Variants in ABCB9 observed in about 807,000 individuals in gnomAD.
ABCB9 encodes the protein ATP binding cassette subfamily B member 9, also known as ABC-type oligopeptide transporter ABCB9.
A neutral mutation model predicts 62.0 loss-of-function variants in ABCB9; 36 were observed. That is an observed-to-expected ratio of 0.58 (90% CI 0.45 to 0.77). The LOEUF (loss-of-function observed/expected upper bound fraction) is 0.77. ABCB9 is among the 30% of genes least tolerant of loss of function. ABCB9 has a pLI of 0.00. For synonymous variants in ABCB9, 435 were observed against 461.4 expected (o/e 0.94, Z 0.73); for missense variants, 943 against 1,054.7 (o/e 0.89, Z 1.47).
chr12:122,961,994 C>T (rs2036931207), intron 1 of ABCB9, among the ~76,000 whole-genome samples: 1 of 152,252 alleles, frequency 6.6e-6, no homozygotes, highest in African/African-American at 2.4e-5. Context: ...GGGAACTTGA[C>T]AGCTGTGGGG....
chr12:122,960,356 G>C, intron 1 of ABCB9, 34 bp from the exon 2 acceptor site: 1 of 1,378,498 alleles, frequency 7.3e-7, no homozygotes, highest in Non-Finnish European at 9.6e-7. Context: ...AGCACAAGGG[G>C]TTCAGGTTTG....
intron 5 of ABCB9, chr12:122,948,389 A>G: frequency 2.3e-6 from 1 of 440,712 alleles, no homozygotes. Flanking sequence ...GACACTAGAT[A>G]CAAGTTCCAG....
In ABCB9 at chr12:122,944,312, C is replaced by G; in HGVS notation, c.1380+79G>C. Reference sequence around the variant, plus strand: ...ACCACATTGTCAGAGTCCCTGGAGCCCCGCCCCCACCCTGTTAAGATCCCT... The same window carrying G: ...ACCACATTGTCAGAGTCCCTGGAGCGCCGCCCCCACCCTGTTAAGATCCCT... On this transcript the variant is annotated intron_variant, in intron 7 of 11. Coordinates refer to ENST00000280560, the MANE Select transcript of ABCB9 (RefSeq NM_019625.4). This position sits in a 1 kb window ranked among gnomAD's most constrained non-coding sequence, Gnocchi z 4.9. The G allele has an allele frequency of 6.7e-7, 1 of 1,502,822 alleles. No individual in the cohort carries two copies. Among genetic ancestry groups the G allele is most frequent in the Non-Finnish European group, 9.0e-7 (1 of 1,110,706 alleles). 93.1% of individuals were successfully genotyped at this position (1,502,822 alleles called of 1,614,324 possible).
chr12:122,928,738 C>T (rs1160133561), downstream of ABCB9, among the ~76,000 whole-genome samples: 1 of 152,118 alleles, frequency 6.6e-6, no homozygotes, highest in South Asian at 2.1e-4. Context: ...CCGGGAAGCA[C>T]AGAGGCCCCT....
chr12:122,946,929 G>C (rs1300574787), intron 5 of ABCB9, among the ~76,000 whole-genome samples: 1 of 152,250 alleles, frequency 6.6e-6, no homozygotes. Flanking sequence ...GGCTGCCTGA[G>C]AGTCCAGGAC....
At chr12:122,972,667 C>T (rs960502220) in intron 1 of ABCB9, among the ~76,000 whole-genome samples, 3 of 152,056 alleles carry the variant, frequency 2.0e-5, no homozygotes, top group Admixed American at 6.6e-5. Flanking sequence ...TGTGCTACCA[C>T]GCCTGGATAA....
chr12:122,949,669 C>G (rs2036246682), intron 4 of ABCB9, 119 bp downstream of exon 4: 2 of 1,330,782 alleles, frequency 1.5e-6, no homozygotes, highest in Admixed American at 2.0e-5. Context: ...GAACTAACAG[C>G]AGGAGGAGAA....
chr12:122,947,518 TAG>T lies in ABCB9; in HGVS notation c.1053+1104_1053+1105del, dbSNP rs2036108621. The T allele has an allele frequency of 2.2e-6, 1 of 452,402 alleles. No homozygotes were observed. Among genetic ancestry groups the T allele is most frequent in the Admixed American group, 2.4e-5 (1 of 42,368 alleles). 28.0% of individuals were successfully genotyped at this position (452,402 alleles called of 1,614,324 possible). A position where few individuals can be genotyped will look rare whatever the true frequency, so the allele number is the denominator to read the frequency against. On this transcript the variant is annotated intron_variant, in intron 5 of 11. Transcript: ENST00000280560. The surrounding 1 kb of genome is among the most constrained non-coding windows in gnomAD (Gnocchi z 6.0). ...CCGTCATGCATCCAAGCCCCTGCTC[TAG>T]AAGTACCCCACGTGGGCCTGGGTGA...
chr12:122,932,321 C>T lies in ABCB9; in HGVS notation c.1911G>A (p.Gly637=), dbSNP rs1430875200. Residue 637 remains glycine (G), a synonymous_variant, in exon 11 of 12, where the codon GGG becomes GGA. Transcript: ENST00000280560. The surrounding 1 kb of genome is among the most constrained non-coding windows in gnomAD (Gnocchi z 4.7). Reference sequence around the variant, plus strand: ...CACCTGACAGCTGGGCGCCCTTCTCCCCTGTCTCTGTATGGTGGAGGCACA... The same window carrying T: ...CACCTGACAGCTGGGCGCCCTTCTCTCCTGTCTCTGTATGGTGGAGGCACA... ...ELQDGYSTET[G]EKGAQLSGGQ... The T allele has an allele frequency of 1.3e-6, 2 of 1,550,584 alleles. No individual in the cohort carries two copies. Among genetic ancestry groups the T allele is most frequent in the Admixed American group, 2.0e-5 (1 of 50,972 alleles).
At position 122,949,873 on chromosome 12, in the gene ABCB9, A is replaced by G. The variant is rs777187376; in HGVS notation, c.762T>C (p.Phe254=). 4.3e-6 allele frequency: 7 copies of G among 1,614,198 alleles called. No individual in the cohort carries two copies. The highest frequency in any genetic ancestry group is 5.9e-6 in the Non-Finnish European group (7 of 1,180,012). The change falls in exon 4 of 12, where the codon TTT becomes TTC. Residue 254 remains phenylalanine (F), a synonymous_variant. Coordinates refer to ENST00000280560, the MANE Select transcript of ABCB9 (RefSeq NM_019625.4). ...GIRGGIFTLI[F]ARLNIRLRNC... ...TTCGAAGGCGAATGTTCAGTCTGGC[A>G]AATATGAGGGTAAAAATGCCGCCCC...
exon 1 of ABCB9, chr12:122,974,948 G>A (rs2037364453): frequency 3.8e-6 from 1 of 265,188 alleles, no homozygotes; most frequent in South Asian, 1.1e-4. Context: ...AGGCCTTGGG[G>A]CTCCGAGTCC....
chr12:122,957,713 T>C (rs1182894891), intron 2 of ABCB9, among the ~76,000 whole-genome samples: 4 of 148,472 alleles, frequency 2.7e-5, no homozygotes, highest in East Asian at 2.0e-4. Flanking sequence ...TTTTTTTTTT[T>C]CGTTATCTGC....
chr12:122,942,151 C>A (rs774412018), intron 7 of ABCB9, among the ~76,000 whole-genome samples: 1 of 152,128 alleles, frequency 6.6e-6, no homozygotes, highest in East Asian at 1.9e-4. Flanking sequence ...AGTGGCAGAG[C>A]CAGGATTTGA....
intron 9 of ABCB9, among the ~76,000 whole-genome samples, chr12:122,937,666 A>G (rs2035529436): frequency 6.6e-6 from 1 of 152,186 alleles, no homozygotes; most frequent in Non-Finnish European, 1.5e-5. Context: ...CCATTTCACA[A>G]CAATCTACCT....
chr12:122,929,971 G>A lies in ABCB9; in HGVS notation c.2241C>T (p.Pro747=), dbSNP rs770338952. 48 of 1,579,466 alleles carry A rather than the reference G, an allele frequency of 3.0e-5. No individual in the cohort carries two copies. Among genetic ancestry groups the A allele is most frequent in the South Asian group, 6.9e-5 (6 of 87,464 alleles). Residue 747 remains proline, a synonymous_variant, in exon 12 of 12, where the codon CCC becomes CCT. Transcript: ENST00000280560. This position sits in a 1 kb window ranked among gnomAD's most constrained non-coding sequence, Gnocchi z 6.0. ...LVQRQMLGLQ[P]AADFTAGHNE... Reference sequence around the variant, plus strand: ...TGTGGCCAGCTGTGAAGTCTGCGGCGGGCTGAAGCCCCAGCATCTGCCGCT... The same window carrying A: ...TGTGGCCAGCTGTGAAGTCTGCGGCAGGCTGAAGCCCCAGCATCTGCCGCT...
At position 122,947,791 on chromosome 12, in the gene ABCB9, C is replaced by G. The variant is rs904667184; in HGVS notation, c.1053+833G>C. The G allele has an allele frequency of 5.5e-6, 1 of 182,592 alleles. No homozygotes were observed. Among genetic ancestry groups the G allele is most frequent in the Non-Finnish European group, 1.2e-5 (1 of 83,002 alleles). The allele number at this position is 182,592 out of a possible 1,614,324, so 11.3% of individuals were successfully genotyped here. A position where few individuals can be genotyped will look rare whatever the true frequency, so the allele number is the denominator to read the frequency against. Reference sequence around the variant, plus strand: ...ATGGCATCACAGCGGGCCCGCACCACCCCCACATACACACCAGGCACGTTC... The same window carrying G: ...ATGGCATCACAGCGGGCCCGCACCAGCCCCACATACACACCAGGCACGTTC... On this transcript the variant is annotated intron_variant, in intron 5 of 11. Coordinates refer to ENST00000280560, the MANE Select transcript of ABCB9 (RefSeq NM_019625.4). The surrounding 1 kb of genome is among the most constrained non-coding windows in gnomAD (Gnocchi z 6.0).
chr12:122,922,105 C>T (rs1011180223), intron 11 of ABCB9, among the ~76,000 whole-genome samples: 2 of 152,090 alleles, frequency 1.3e-5, no homozygotes, highest in South Asian at 2.1e-4. Context: ...GGTGGCTTAA[C>T]GACTGCTATT....
chr12:122,955,257 G>A (rs781406260), intron 2 of ABCB9, among the ~76,000 whole-genome samples: 4 of 152,134 alleles, frequency 2.6e-5, no homozygotes, highest in East Asian at 1.9e-4. Context: ...CCTGAGCCTC[G>A]AGTCTGCGCC....
Position 122,972,037 on chromosome 12 carries a change from C to CTTTTTTTTTTTTTTTTTTTTTT in ABCB9, c.-88+2656_-88+2677dup, listed in dbSNP as rs57112984. ...TTCATAGCAGCTTCATTCATAATGT[C>CTTTTTTTTTTTTTTTTTTTTTT]TTTTTTTTTTTTTTTTTTTTTTGTT... On this transcript the variant is annotated intron_variant, in intron 1 of 11. Transcript: ENST00000392439. Among the ~76,000 whole-genome samples, 6 of 99,272 alleles carry CTTTTTTTTTTTTTTTTTTTTTT rather than the reference C, an allele frequency of 6.0e-5. 1 individual carries two copies. The highest frequency in any genetic ancestry group is 8.2e-5 in the African/African-American group (2 of 24,454). The allele number at this position is 99,272 out of a possible 152,430, so 65.1% of individuals were successfully genotyped here. A position where few individuals can be genotyped will look rare whatever the true frequency, so the allele number is the denominator to read the frequency against.
Sources: gnomAD v4.1 joint callset for allele counts (sites outside exome capture counted in the v4.1 genomes callset) on GRCh38, gnomAD v4.1.1 for gene constraint, Gnocchi (gnomAD v3.1) non-coding constraint, MANE v1.5 for transcripts, NCBI Gene and HGNC (gene_info 2026-07-23, HGNC 2026-07-21) for gene names.